PCDH15: variants seen among roughly 807,000 people sequenced by gnomAD.
The protein encoded by PCDH15 is protocadherin-15.
Under a neutral mutation model 178.5 loss-of-function variants are expected in PCDH15, and 129 were observed. The observed-to-expected ratio is 0.72, with a 90% CI of 0.63 to 0.84. PCDH15 has a LOEUF of 0.84. Among genes scored for constraint, PCDH15 ranks in the 40% least tolerant of loss-of-function variants. PCDH15 has a pLI of 0.00. For synonymous variants in PCDH15, 800 were observed against 732.0 expected, an observed-to-expected ratio of 1.09 and a Z score of -1.50; for missense variants, 2,230 against 2,099.9, an observed-to-expected ratio of 1.06 and a Z score of -1.21.
At chr10:53,831,001 T>G (rs1183131734) in intron 30 of PCDH15, among the ~76,000 whole-genome samples, 3 of 152,198 alleles carry the variant, frequency 2.0e-5, no homozygotes, top group Non-Finnish European at 4.4e-5. Context: ...AGGATACCTG[T>G]TACCTTCTCT....
intron 35 of PCDH15, among the ~76,000 whole-genome samples, chr10:53,815,267 A>C (rs1564520061): frequency 6.6e-6 from 1 of 152,234 alleles, no homozygotes; most frequent in African/African-American, 2.4e-5. Flanking sequence ...TGCAAAACAA[A>C]AACAACAACA....
At chr10:55,476,017 T>A (rs1361992582) in intron 2 of PCDH15, among the ~76,000 whole-genome samples, 1 of 152,108 alleles carries the variant, frequency 6.6e-6, no homozygotes, top group Non-Finnish European at 1.5e-5. Context: ...ATTCGACAGT[T>A]ATGTATTCAA....
chr10:54,954,480 T>A (rs971591772), intron 2 of PCDH15, among the ~76,000 whole-genome samples: 7 of 151,256 alleles, frequency 4.6e-5, no homozygotes, highest in Non-Finnish European at 7.4e-5. Context: ...GTCTTGGCAG[T>A]CCTATGAAAT....
At chr10:55,238,865 T>C (rs188384089) in intron 1 of PCDH15, among the ~76,000 whole-genome samples, 2 of 152,266 alleles carry the variant, frequency 1.3e-5, no homozygotes, top group East Asian at 3.9e-4. Flanking sequence ...TTCTTTGTGT[T>C]AGGAACACAA....
At chr10:55,324,255 T>C (rs1843976041), upstream of PCDH15, among the ~76,000 whole-genome samples, 1 of 152,170 alleles carries the variant, frequency 6.6e-6, no homozygotes, top group South Asian at 2.1e-4. Flanking sequence ...TAACCTAGTA[T>C]ATAAATGAGC....
chr10:55,245,898 C>G, intron 1 of PCDH15, among the ~76,000 whole-genome samples: 1 of 152,142 alleles, frequency 6.6e-6, no homozygotes, highest in East Asian at 1.9e-4. Context: ...CCTCAGAAAA[C>G]TAAACCAAAC....
chr10:54,804,803 T>C (rs1249126801), upstream of PCDH15, among the ~76,000 whole-genome samples: 1 of 151,338 alleles, frequency 6.6e-6, no homozygotes, highest in Non-Finnish European at 1.5e-5. Flanking sequence ...ACATTTGTGT[T>C]CATGCCAGTT....
At chr10:54,969,719 AG>A (rs1180858869) in intron 2 of PCDH15, among the ~76,000 whole-genome samples, 1 of 152,190 alleles carries the variant, frequency 6.6e-6, no homozygotes, top group Non-Finnish European at 1.5e-5. Flanking sequence ...GTAGCTCAAA[AG>A]TATCTTCAGG....
intron 2 of PCDH15, among the ~76,000 whole-genome samples, chr10:55,403,875 A>T (rs150315206): frequency 1.1e-3 from 164 of 152,166 alleles, no homozygotes; most frequent in African/African-American, 3.8e-3. Flanking sequence ...ACCAGTGACC[A>T]GTATTCAAGT....
chr10:54,153,833 T>C (rs1045570245), intron 13 of PCDH15, among the ~76,000 whole-genome samples: 1 of 152,102 alleles, frequency 6.6e-6, no homozygotes, highest in East Asian at 1.9e-4. Flanking sequence ...CTAGGAAAGG[T>C]TATTAACTTG....
chr10:55,172,821 C>G (rs1278794534), intron 1 of PCDH15, among the ~76,000 whole-genome samples: 1 of 151,772 alleles, frequency 6.6e-6, no homozygotes, highest in African/African-American at 2.4e-5. Flanking sequence ...ATATATATAT[C>G]TATTACATAT....
At chr10:55,269,163 G>A (rs1322488058) in intron 1 of PCDH15, among the ~76,000 whole-genome samples, 1 of 152,000 alleles carries the variant, frequency 6.6e-6, no homozygotes, top group Non-Finnish European at 1.5e-5. Context: ...TGACAAACCT[G>A]CAGCCAACAC....
chr10:54,846,851 C>T (rs1167241239), intron 3 of PCDH15, among the ~76,000 whole-genome samples: 1 of 152,052 alleles, frequency 6.6e-6, no homozygotes, highest in Non-Finnish European at 1.5e-5. Flanking sequence ...AAATAAAATT[C>T]TATAAAACTA....
intron 2 of PCDH15, among the ~76,000 whole-genome samples, chr10:54,912,807 T>A (rs1395314923): frequency 6.6e-6 from 1 of 152,162 alleles, no homozygotes. Context: ...GTTAAATTGT[T>A]GTGACCAAAA....
intron 2 of PCDH15, among the ~76,000 whole-genome samples, chr10:54,937,415 A>C (rs962907992): frequency 6.6e-6 from 1 of 152,040 alleles, no homozygotes; most frequent in African/African-American, 2.4e-5. Context: ...ATATATTGCC[A>C]TCTTAATGAT....
chr10:55,410,378 G>A (rs1354819594), intron 2 of PCDH15, among the ~76,000 whole-genome samples: 4 of 152,052 alleles, frequency 2.6e-5, no homozygotes, highest in African/African-American at 9.7e-5. Context: ...AGGTTTAGAA[G>A]CTGGAAGTTA....
chr10:54,020,254 C>T lies in PCDH15; in HGVS notation c.2689G>A (p.Glu897Lys). 3 of 1,613,758 alleles carry T rather than the reference C, an allele frequency of 1.9e-6. No individual in the cohort carries two copies. The highest frequency in any genetic ancestry group is 2.5e-6 in the Non-Finnish European group (3 of 1,179,788). The change falls in exon 20 of 38, where the codon GAG becomes AAG. Residue 897 changes from glutamate to lysine, a missense_variant. Coordinates refer to ENST00000644397, the MANE Select transcript of PCDH15 (RefSeq NM_001384140.1). ...DQEASITFLV[E>K]AFDIYGTMPP... ...ATTGTTCCATAAATATCAAAGGCCTCTACCAGAAAAGTGATACTTGCTTCT... is the reference window on the plus strand; with the variant it reads ...ATTGTTCCATAAATATCAAAGGCCTTTACCAGAAAAGTGATACTTGCTTCT...
At chr10:54,945,339 TA>T (rs1221100701) in intron 2 of PCDH15, among the ~76,000 whole-genome samples, 1 of 127,004 alleles carries the variant, frequency 7.9e-6, no homozygotes, top group Non-Finnish European at 1.8e-5. Flanking sequence ...GATAGATAGA[TA>T]GATAGATAGA....
At chr10:54,414,447 T>C (rs190697520) in intron 3 of PCDH15, among the ~76,000 whole-genome samples, 8 of 152,154 alleles carry the variant, frequency 5.3e-5, no homozygotes, top group Admixed American at 3.3e-4. Context: ...TCTCCTATAA[T>C]GAATGACAAA....
Sources: allele counts gnomAD v4.1 joint callset (sites outside exome capture counted in the v4.1 genomes callset), GRCh38; gene constraint gnomAD v4.1.1; transcripts MANE v1.5; gene names NCBI Gene and HGNC (gene_info 2026-07-23, HGNC 2026-07-21).